ADAMTS17: variants seen among roughly 807,000 people sequenced by gnomAD.
ADAMTS17 encodes the protein A disintegrin and metalloproteinase with thrombospondin motifs 17.
In ADAMTS17, 113 loss-of-function variants were observed where a neutral mutation model predicts 141.5. The observed-to-expected ratio is 0.80, with a 90% CI of 0.69 to 0.93. The LOEUF is 0.93. ADAMTS17 is among the 40% of genes least tolerant of loss of function. ADAMTS17 has a pLI of 0.00. For synonymous variants in ADAMTS17, 768 were observed against 630.6 expected, an observed-to-expected ratio of 1.22 and a Z score of -3.27; for missense variants, 1,659 against 1,517.9, an observed-to-expected ratio of 1.09 and a Z score of -1.54.
At chr15:100,011,061 C>G (rs1356283213) in intron 18 of ADAMTS17, among the ~76,000 whole-genome samples, 1 of 151,758 alleles carries the variant, frequency 6.6e-6, no homozygotes, top group Non-Finnish European at 1.5e-5. Context: ...ACAACGTTGT[C>G]TTTTGCTAAC....
chr15:100,058,491 C>A (rs1192129206), intron 15 of ADAMTS17, among the ~76,000 whole-genome samples: 1 of 152,174 alleles, frequency 6.6e-6, no homozygotes, highest in Non-Finnish European at 1.5e-5. Context: ...CTACAAACTA[C>A]CCCACTTCCA....
intron 12 of ADAMTS17, among the ~76,000 whole-genome samples, chr15:100,126,959 G>C (rs1345763665): frequency 1.3e-5 from 2 of 152,198 alleles, no homozygotes; most frequent in African/African-American, 4.8e-5. Flanking sequence ...GGTGCCGAGG[G>C]AGACTTAAGC....
rs747317920 is a variant in ADAMTS17 at position 99,974,538 on chromosome 15, C to T, written c.3152G>A (p.Arg1051Gln). 9.2e-5 allele frequency: 148 copies of T among 1,614,110 alleles called. No individual in the cohort carries two copies. The highest frequency in any genetic ancestry group is 1.1e-4 in the Non-Finnish European group (135 of 1,180,048). The change falls in exon 22 of 22, where the codon CGA becomes CAA. Residue 1051 changes from arginine to glutamine, a missense_variant. Physicochemically the swap from Arg to Gln is conservative, Grantham distance 43. Transcript: ENST00000268070. ...RLAALTYKCT[R>Q]DQWTVYCRVI... Reference sequence around the variant, plus strand: ...CCGGCAATATACCGTCCACTGGTCTCGTGTGCATTTGTAGGTCAGAGCAGC... The same window carrying T: ...CCGGCAATATACCGTCCACTGGTCTTGTGTGCATTTGTAGGTCAGAGCAGC...
In ADAMTS17 at chr15:100,262,797, AC is replaced by A. The variant is rs373477145; in HGVS notation, c.790-363del. On this transcript the variant is annotated intron_variant, in intron 4 of 21. Coordinates refer to ENST00000268070, the MANE Select transcript of ADAMTS17 (RefSeq NM_139057.4). ...CTTCCAGTACTAAAAAAAAAAAAAA[AC>A]AAAAAACCTAAAGAATAATTATGTG... 1.9e-3 allele frequency among the ~76,000 whole-genome samples: 278 copies of A among 150,204 alleles called. 4 individuals are homozygous for A. The highest frequency in any genetic ancestry group is 5.4e-3 in the South Asian group (26 of 4,816).
chr15:99,983,213 G>T (rs1010066711), intron 20 of ADAMTS17, among the ~76,000 whole-genome samples: 1 of 152,162 alleles, frequency 6.6e-6, no homozygotes, highest in Non-Finnish European at 1.5e-5. Flanking sequence ...ACGGGGGACC[G>T]GGCTTACGTA....
Position 100,259,436 on chromosome 15 carries a change from T to G in ADAMTS17, c.1031+2043A>C, listed in dbSNP as rs181133602. On this transcript the variant is annotated intron_variant, in intron 6 of 21. Transcript: ENST00000268070. ...GCAACAGCGGCCTCTGGCCAGTGAGTGTGGGCAGCCACTGCTCTTGGGGAG... is the reference window on the plus strand; with the variant it reads ...GCAACAGCGGCCTCTGGCCAGTGAGGGTGGGCAGCCACTGCTCTTGGGGAG... Among the ~76,000 whole-genome samples the G allele has an allele frequency of 7.8e-4, 119 of 152,250 alleles. 1 individual carries two copies. In the East Asian group the frequency reaches 0.012, roughly 15 times the overall value.
chr15:100,058,061 G>C (rs1311165234), intron 15 of ADAMTS17, among the ~76,000 whole-genome samples: 1 of 151,638 alleles, frequency 6.6e-6, no homozygotes, highest in Non-Finnish European at 1.5e-5. Context: ...ACCCAGCTGA[G>C]TACCCCTGAG....
At chr15:100,162,318 G>A (rs897428016) in intron 8 of ADAMTS17, among the ~76,000 whole-genome samples, 3 of 150,018 alleles carry the variant, frequency 2.0e-5, no homozygotes, top group African/African-American at 7.3e-5. Flanking sequence ...ATACGTACAT[G>A]TAAGTGTAGG....
At position 100,240,145 on chromosome 15, in the gene ADAMTS17, C is replaced by T. The variant is rs188795298; in HGVS notation, c.1075+13991G>A. On this transcript the variant is annotated intron_variant, in intron 7 of 21. Transcript: ENST00000268070. Reference sequence around the variant, plus strand: ...GCTGCTGCTCAGGAGGGGCCCTGGGCCCCACCTCAAGCCTAAGGCTAGCTC... The same window carrying T: ...GCTGCTGCTCAGGAGGGGCCCTGGGTCCCACCTCAAGCCTAAGGCTAGCTC... Among the ~76,000 whole-genome samples, 383 of 152,318 alleles carry T rather than the reference C, an allele frequency of 2.5e-3. 2 individuals are homozygous for T. The highest frequency in any genetic ancestry group is 8.7e-3 in the African/African-American group (360 of 41,552).
chr15:100,104,165 C>G (rs773635831), intron 14 of ADAMTS17, among the ~76,000 whole-genome samples: 1 of 152,218 alleles, frequency 6.6e-6, no homozygotes, highest in Non-Finnish European at 1.5e-5. Context: ...GTCAGCTGGA[C>G]TCGCTCATTG....
chr15:100,188,368 C>T (rs1379813891), intron 8 of ADAMTS17, among the ~76,000 whole-genome samples: 8 of 151,616 alleles, frequency 5.3e-5, no homozygotes, highest in African/African-American at 1.9e-4. Flanking sequence ...TGAGCTACCA[C>T]GCCCGGCCAC....
intron 4 of ADAMTS17, among the ~76,000 whole-genome samples, chr15:100,280,371 C>T (rs1373613463): frequency 1.3e-5 from 2 of 152,124 alleles, no homozygotes; most frequent in African/African-American, 2.4e-5. Flanking sequence ...ACCCCAGGCC[C>T]TCCTCCATTC....
chr15:100,029,648 C>T (rs2029930608), intron 18 of ADAMTS17, among the ~76,000 whole-genome samples: 1 of 152,140 alleles, frequency 6.6e-6, no homozygotes, highest in South Asian at 2.1e-4. Flanking sequence ...GCTCTGGGCC[C>T]TGAAGTCTTC....
chr15:100,007,227 G>A (rs917218651), intron 18 of ADAMTS17, among the ~76,000 whole-genome samples: 4 of 152,214 alleles, frequency 2.6e-5, no homozygotes, highest in African/African-American at 7.2e-5. Flanking sequence ...GAGGGAGCCT[G>A]CCCTCACAAT....
At position 100,310,432 on chromosome 15, in the gene ADAMTS17, C is replaced by T. The variant is rs185424924; in HGVS notation, c.616+20457G>A. Among the ~76,000 whole-genome samples, 1,064 of 152,336 alleles carry T rather than the reference C, an allele frequency of 7.0e-3. 21 individuals carry two copies. The highest frequency in any genetic ancestry group is 0.044 in the Admixed American group (670 of 15,308). ...GACACAAAGAATGGCTCATTCCCTT[C>T]GCAGGGGCCCAGCAGGCCAAGCACT... is the stretch of plus-strand genomic sequence containing the variant. On this transcript the variant is annotated intron_variant, in intron 3 of 21. Transcript: ENST00000268070.
At chr15:100,139,281 C>G (rs2038503777) in intron 10 of ADAMTS17, among the ~76,000 whole-genome samples, 1 of 152,050 alleles carries the variant, frequency 6.6e-6, no homozygotes, top group Admixed American at 6.5e-5. Flanking sequence ...GTACATAAGC[C>G]TGAGATGAAA....
intron 7 of ADAMTS17, among the ~76,000 whole-genome samples, chr15:100,222,156 G>A (rs942324956): frequency 3.3e-5 from 5 of 152,158 alleles, no homozygotes; most frequent in Admixed American, 6.6e-5. Flanking sequence ...TTGTAGCTAC[G>A]GAAGACTCAT....
intron 3 of ADAMTS17, among the ~76,000 whole-genome samples, chr15:100,288,760 G>T (rs1246676199): frequency 6.6e-6 from 1 of 151,746 alleles, no homozygotes; most frequent in Non-Finnish European, 1.5e-5. Context: ...GCTGCACCTG[G>T]AAACAGTGAA....
At chr15:100,093,695 G>A (rs901138613) in intron 15 of ADAMTS17, among the ~76,000 whole-genome samples, 3 of 152,056 alleles carry the variant, frequency 2.0e-5, no homozygotes, top group Non-Finnish European at 4.4e-5. Flanking sequence ...TAGGTCTGGT[G>A]CCCCACCAGA....
Sources: allele counts gnomAD v4.1 joint callset (sites outside exome capture counted in the v4.1 genomes callset), GRCh38; gene constraint gnomAD v4.1.1; transcripts MANE v1.5; gene names NCBI Gene and HGNC (gene_info 2026-07-23, HGNC 2026-07-21).